The following PRXL2A variants were observed in gnomAD, a reference collection of about 807,000 sequenced individuals.
The protein encoded by PRXL2A is peroxiredoxin-like 2A.
Under a neutral mutation model 25.6 loss-of-function variants are expected in PRXL2A, and 26 were observed. That is an observed-to-expected ratio of 1.02 (90% CI 0.74 to 1.41). The LOEUF is 1.41. Among genes scored for constraint, PRXL2A ranks in the 40% most tolerant of loss-of-function variants. The pLI is 0.00. For synonymous variants in PRXL2A, 98 were observed against 102.9 expected, an observed-to-expected ratio of 0.95 and a Z score of 0.29; for missense variants, 246 against 273.9, an observed-to-expected ratio of 0.90 and a Z score of 0.72.
At chr10:80,409,444 C>T (rs1267544497) in intron 1 of PRXL2A, among the ~76,000 whole-genome samples, 1 of 152,190 alleles carries the variant, frequency 6.6e-6, no homozygotes, top group Non-Finnish European at 1.5e-5. Flanking sequence ...GCCTCTTTTC[C>T]TTGCCACATC....
intron 1 of PRXL2A, among the ~76,000 whole-genome samples, chr10:80,411,176 G>T (rs562424377): frequency 6.6e-6 from 1 of 152,254 alleles, no homozygotes; most frequent in Non-Finnish European, 1.5e-5. Context: ...TGCATCATCA[G>T]TATGCTAGAC....
At chr10:80,419,631 C>T (rs1844792342) in intron 1 of PRXL2A, among the ~76,000 whole-genome samples, 1 of 152,162 alleles carries the variant, frequency 6.6e-6, no homozygotes, top group Non-Finnish European at 1.5e-5. Context: ...TCTGATATAA[C>T]ACCTGCATTT....
chr10:80,427,593 T>G, intron 5 of PRXL2A, 97 bp downstream of exon 5: 1 of 1,307,824 alleles, frequency 7.6e-7, no homozygotes, highest in African/African-American at 1.5e-5. Context: ...TTTCCCTGTT[T>G]TGGGTCTCCT....
intron 4 of PRXL2A, among the ~76,000 whole-genome samples, chr10:80,426,281 T>C (rs1845040350): frequency 6.6e-6 from 1 of 152,266 alleles, no homozygotes; most frequent in Non-Finnish European, 1.5e-5. Context: ...GCATTTAGTT[T>C]CTACATTTCT....
In PRXL2A at chr10:80,432,997, A is replaced by C. The variant is rs1025837757; in HGVS notation, c.*898A>C. 4 of 152,220 alleles carry C rather than the reference A, an allele frequency of 2.6e-5. No individual in the cohort carries two copies. Among genetic ancestry groups the C allele is most frequent in the Non-Finnish European group, 5.9e-5 (4 of 68,040 alleles). The allele number at this position is 152,220 out of a possible 1,614,324, so 9.4% of individuals were successfully genotyped here. A position where few individuals can be genotyped will look rare whatever the true frequency, so the allele number is the denominator to read the frequency against. On this transcript the variant is annotated 3_prime_UTR_variant, in exon 6 of 6. Coordinates refer to ENST00000606162, the MANE Select transcript of PRXL2A (RefSeq NM_032333.5). Reference sequence around the variant, plus strand: ...TTAATAAAATTATGCATCAGAAATCACCTGTATGTATAAGATTTTCTGATA... The same window carrying C: ...TTAATAAAATTATGCATCAGAAATCCCCTGTATGTATAAGATTTTCTGATA...
At chr10:80,411,157 C>G (rs1459642265) in intron 1 of PRXL2A, among the ~76,000 whole-genome samples, 1 of 152,188 alleles carries the variant, frequency 6.6e-6, no homozygotes, top group Non-Finnish European at 1.5e-5. Context: ...TCATAAGGCT[C>G]TGTGTGCCTG....
chr10:80,413,768 G>A (rs973564331), intron 1 of PRXL2A: 5 of 948,220 alleles, frequency 5.3e-6, no homozygotes, highest in South Asian at 6.8e-5. Context: ...CTGAGCCTAG[G>A]GACCTAGTCC....
chr10:80,427,774 G>T, intron 5 of PRXL2A, among the ~76,000 whole-genome samples: 1 of 152,104 alleles, frequency 6.6e-6, no homozygotes, highest in East Asian at 1.9e-4. Flanking sequence ...ACTGAAAAGG[G>T]ATGAGCAGCT....
At chr10:80,426,408 TTAA>T (rs1845044722) in intron 4 of PRXL2A, among the ~76,000 whole-genome samples, 1 of 152,240 alleles carries the variant, frequency 6.6e-6, no homozygotes, top group Admixed American at 6.5e-5. Context: ...CAACTGTAGG[TTAA>T]TAAGAGTGTT....
At chr10:80,408,998 G>A in intron 1 of PRXL2A, 1 of 984,556 alleles carries the variant, frequency 1.0e-6, no homozygotes, top group Non-Finnish European at 1.2e-6. Flanking sequence ...GAATTGTTGG[G>A]ACAAAGAACA....
At chr10:80,424,526 A>G (rs1175302780) in intron 3 of PRXL2A, among the ~76,000 whole-genome samples, 4 of 147,654 alleles carry the variant, frequency 2.7e-5, no homozygotes, top group African/African-American at 7.6e-5. Context: ...CAGGGCTACA[A>G]TGAGCTATGA....
Position 80,420,630 on chromosome 10 carries a change from A to C in PRXL2A, c.163A>C (p.Lys55Gln), listed in dbSNP as rs761048250. ...GGAGTACCTGGAGGATATAGACCTG[A>C]AAACACTGGAGAAGGGTAAGTGGTG... ...ALEYLEDIDLKTLEKEPRTFK... is the reference protein window; with the variant it reads ...ALEYLEDIDLQTLEKEPRTFK... The change falls in exon 2 of 6, where the codon AAA becomes CAA. Residue 55 changes from lysine (K) to glutamine (Q), a missense_variant. Transcript: ENST00000606162. 10 of 1,608,322 alleles carry C rather than the reference A, an allele frequency of 6.2e-6. No homozygotes were observed. The highest frequency in any genetic ancestry group is 7.6e-6 in the Non-Finnish European group (9 of 1,176,498).
At chr10:80,420,083 T>A (rs1282158596) in intron 1 of PRXL2A, 9 of 987,740 alleles carry the variant, frequency 9.1e-6, no homozygotes, top group Middle Eastern at 5.2e-4. Context: ...GAATCAGGCA[T>A]TGATGAGGAG....
intron 3 of PRXL2A, among the ~76,000 whole-genome samples, chr10:80,422,911 G>A (rs545369568): frequency 2.6e-5 from 4 of 152,192 alleles, no homozygotes; most frequent in South Asian, 2.1e-4. Flanking sequence ...AAGCTGCAGT[G>A]TCGGAGGAAA....
chr10:80,417,269 G>A (rs1042301152), intron 1 of PRXL2A, among the ~76,000 whole-genome samples: 4 of 152,206 alleles, frequency 2.6e-5, no homozygotes, highest in African/African-American at 7.2e-5. Context: ...TGTCGGACCC[G>A]AACTCAAGGC....
At chr10:80,417,667 A>G (rs1844709590) in intron 1 of PRXL2A, among the ~76,000 whole-genome samples, 1 of 151,682 alleles carries the variant, frequency 6.6e-6, no homozygotes, top group Non-Finnish European at 1.5e-5. Context: ...AAGTATATAG[A>G]TGCCAAATTC....
At chr10:80,423,036 T>TG (rs1349936740) in intron 3 of PRXL2A, among the ~76,000 whole-genome samples, 1 of 152,212 alleles carries the variant, frequency 6.6e-6, no homozygotes, top group East Asian at 1.9e-4. Flanking sequence ...TCTGCCTCCT[T>TG]GCTGTGTGCT....
intron 4 of PRXL2A, 121 bp from the exon 5 acceptor site, chr10:80,427,211 C>T (rs896652924): frequency 9.7e-6 from 7 of 721,404 alleles, no homozygotes; most frequent in African/African-American, 1.8e-5. Context: ...GGAGAGAAGA[C>T]TGGAACCAGC....
intron 5 of PRXL2A, among the ~76,000 whole-genome samples, chr10:80,431,246 T>A (rs1441489834): frequency 6.6e-6 from 1 of 151,920 alleles, no homozygotes; most frequent in Non-Finnish European, 1.5e-5. Context: ...CAAGTAAATA[T>A]AATTTTCTGA....
Sources: gnomAD v4.1 joint callset for allele counts (sites outside exome capture counted in the v4.1 genomes callset) on GRCh38, gnomAD v4.1.1 for gene constraint, MANE v1.5 for transcripts, NCBI Gene and HGNC (gene_info 2026-07-23, HGNC 2026-07-21) for gene names.